Variants in FAM118A observed in about 807,000 individuals in gnomAD.
The protein encoded by FAM118A is SIR2 antiphage like 2.
Under a neutral mutation model 38.2 loss-of-function variants are expected in FAM118A, and 25 were observed. The ratio of observed to expected loss-of-function variants is 0.65; its 90% confidence interval spans 0.48 to 0.91. FAM118A has a LOEUF of 0.91. Among genes scored for constraint, FAM118A ranks in the 40% least tolerant of loss-of-function variants. The pLI is 0.00. For missense variants in FAM118A, 425 were observed against 463.3 expected (o/e 0.92, Z 0.76); for synonymous variants, 178 against 184.1 (o/e 0.97, Z 0.27).
At chr22:45,322,919 T>C (rs972225302) in intron 2 of FAM118A, among the ~76,000 whole-genome samples, 3 of 152,190 alleles carry the variant, frequency 2.0e-5, no homozygotes, top group Non-Finnish European at 4.4e-5. Flanking sequence ...AGCTTAACAC[T>C]GGGCAACTTA....
rs140604162 is a variant in FAM118A, at chr22:45,324,217, A to G, written c.300+790A>G. Among the ~76,000 whole-genome samples the G allele has an allele frequency of 9.9e-3, 1,509 of 152,330 alleles. 20 individuals carry two copies. Among genetic ancestry groups the G allele is most frequent in the African/African-American group, 0.034 (1,421 of 41,564 alleles). ...GCTGTGAAAGGAGACCTTAAACCAC[A>G]TGGCTTCATGTGAGCACCTTTATAA... On this transcript the variant is annotated intron_variant, in intron 3 of 8. Transcript: ENST00000441876.
At chr22:45,329,962 C>G (rs567323931) in intron 4 of FAM118A, 1 of 152,220 alleles carries the variant, frequency 6.6e-6, no homozygotes, top group African/African-American at 2.4e-5. Flanking sequence ...TGATAAGGTC[C>G]TGCGTTCTGT....
chr22:45,340,815 T>C lies in FAM118A; in HGVS notation c.*410T>C, dbSNP rs2086424076. The C allele has an allele frequency of 5.0e-6, 1 of 198,826 alleles. No individual in the cohort carries two copies. The allele number at this position is 198,826 out of a possible 1,614,324, so 12.3% of individuals were successfully genotyped here. On this transcript the variant is annotated 3_prime_UTR_variant, in exon 9 of 9. Coordinates refer to ENST00000441876, the MANE Select transcript of FAM118A (RefSeq NM_017911.4). ...GAAAATACGAAATAGACACTTTTTT[T>C]TTTTGAGTCAGAGTCTCACTCTGTC...
chr22:45,332,748 T>C, intron 6 of FAM118A, 38 bp downstream of exon 6: 9 of 1,486,400 alleles, frequency 6.1e-6, no homozygotes, highest in African/African-American at 2.2e-5. Context: ...TTCTTTCTTT[T>C]TTCTTTTTTT....
At chr22:45,313,625 G>A (rs868680968) in intron 1 of FAM118A, among the ~76,000 whole-genome samples, 14 of 152,236 alleles carry the variant, frequency 9.2e-5, no homozygotes, top group Middle Eastern at 3.4e-3. Context: ...TCCCAGCCAA[G>A]TTGTGAGGGC....
intron 3 of FAM118A, among the ~76,000 whole-genome samples, chr22:45,323,957 G>A (rs150627913): frequency 9.6e-4 from 147 of 152,368 alleles, no homozygotes; most frequent in African/African-American, 3.3e-3. Flanking sequence ...GGGAAGGTGC[G>A]TGGCAGGCCA....
At chr22:45,318,325 A>G (rs1321575154) in intron 1 of FAM118A, 2 of 152,342 alleles carry the variant, frequency 1.3e-5, no homozygotes, top group African/African-American at 2.4e-5. Flanking sequence ...AAGGGTTGCT[A>G]TGATGACTTG....
At chr22:45,336,156 C>T (rs1005852019) in intron 7 of FAM118A, among the ~76,000 whole-genome samples, 172 bp from the exon 8 acceptor site, 1 of 152,186 alleles carries the variant, frequency 6.6e-6, no homozygotes, top group African/African-American at 2.4e-5. Context: ...CACTGAAATG[C>T]GACTCCTGGA....
chr22:45,315,535 C>T (rs1387547214), intron 1 of FAM118A, among the ~76,000 whole-genome samples: 5 of 152,178 alleles, frequency 3.3e-5, no homozygotes, highest in South Asian at 2.1e-4. Context: ...CTTTCAGATA[C>T]GCGTCTCCCT....
At chr22:45,322,499 C>T (rs1031333631) in intron 2 of FAM118A, 73 bp downstream of exon 2, 16 of 1,326,598 alleles carry the variant, frequency 1.2e-5, no homozygotes, top group Admixed American at 2.1e-5. Flanking sequence ...TGTGCGCACT[C>T]GTTCTTTAGT....
At chr22:45,327,200 A>G (rs572348316) in intron 3 of FAM118A, among the ~76,000 whole-genome samples, 126 of 152,056 alleles carry the variant, frequency 8.3e-4, no homozygotes, top group African/African-American at 2.5e-3. Flanking sequence ...TCCTGGCACC[A>G]CTGTGCTCCA....
At chr22:45,334,994 G>T in intron 6 of FAM118A, 1 of 253,600 alleles carries the variant, frequency 3.9e-6, no homozygotes, top group Non-Finnish European at 7.5e-6. Context: ...CCAGAAGACT[G>T]CAAGGTCATT....
In FAM118A at chr22:45,335,391, G is replaced by C. The variant is rs375258278; in HGVS notation, c.970+9G>C. On this transcript the variant is annotated intron_variant, in intron 7 of 8. Coordinates refer to ENST00000441876, the MANE Select transcript of FAM118A (RefSeq NM_017911.4). The stretch of plus-strand genomic sequence containing the variant: ...CAGCACCACATTATTGGGTAAAGCA[G>C]ATCTTTCTTCTTGCCAGCCTGTTTT... 9.6e-5 allele frequency: 155 copies of C among 1,614,078 alleles called. No homozygotes were observed. The highest frequency in any genetic ancestry group is 1.3e-4 in the Non-Finnish European group (153 of 1,180,016).
At chr22:45,320,971 G>A (rs189421959) in intron 1 of FAM118A, among the ~76,000 whole-genome samples, 85 of 150,864 alleles carry the variant, frequency 5.6e-4, no homozygotes, top group Admixed American at 1.4e-3. Context: ...TTCTGCATCA[G>A]ACATGTGTCA....
rs544897927 is a variant in FAM118A, at chr22:45,335,448, A to G, written c.970+66A>G. 5.1e-6 allele frequency: 8 copies of G among 1,559,988 alleles called. No homozygotes were observed. In the East Asian group the frequency reaches 1.3e-4, roughly 26 times the overall value. ...ACACATTCCATTGTCTTCTGTCACT[A>G]ACTGTAAAATCATAAACGTTTGTTT... On this transcript the variant is annotated intron_variant, in intron 7 of 8. Coordinates refer to ENST00000441876, the MANE Select transcript of FAM118A (RefSeq NM_017911.4).
intron 1 of FAM118A, among the ~76,000 whole-genome samples, chr22:45,312,295 C>G (rs749500389): frequency 6.6e-6 from 1 of 152,158 alleles, no homozygotes; most frequent in Non-Finnish European, 1.5e-5. Context: ...GCCCTCCACC[C>G]CTTCGGACAC....
chr22:45,309,709 A>T (rs1452027478), upstream of FAM118A: 1 of 152,182 alleles, frequency 6.6e-6, no homozygotes, highest in African/African-American at 2.4e-5. Context: ...CCTCCCCCGC[A>T]CATCCGACCG....
intron 4 of FAM118A, among the ~76,000 whole-genome samples, chr22:45,330,092 A>G (rs983546994): frequency 1.3e-5 from 2 of 152,198 alleles, no homozygotes; most frequent in Non-Finnish European, 2.9e-5. Context: ...AAAATATAAC[A>G]TATAACTTAG....
intron 8 of FAM118A, 133 bp from the exon 9 acceptor site, chr22:45,340,253 T>G (rs2086395417): frequency 3.2e-6 from 3 of 944,022 alleles, no homozygotes; most frequent in South Asian, 1.5e-5. Flanking sequence ...ACTGTTTCCA[T>G]TGTGGAGGGG....
Sources: gnomAD v4.1 joint callset for allele counts (sites outside exome capture counted in the v4.1 genomes callset) on GRCh38, gnomAD v4.1.1 for gene constraint, MANE v1.5 for transcripts, NCBI Gene and HGNC (gene_info 2026-07-23, HGNC 2026-07-21) for gene names.